Variants in EPHB2 observed in about 807,000 individuals in gnomAD.
EPHB2 encodes ephrin type-B receptor 2.
A neutral mutation model predicts 96.4 loss-of-function variants in EPHB2; 18 were observed. That is an observed-to-expected ratio of 0.19 (90% CI 0.13 to 0.28). The LOEUF is 0.28. Ranked by LOEUF, EPHB2 falls within the 10% of genes least tolerant of loss-of-function variation. The pLI is 1.00. For synonymous variants in EPHB2, 506 were observed against 534.1 expected (o/e 0.95, Z 0.72); for missense variants, 989 against 1,355.4 (o/e 0.73, Z 4.25).
At chr1:22,807,658 C>T (rs139309249) in intron 3 of EPHB2, among the ~76,000 whole-genome samples, 1 of 150,876 alleles carries the variant, frequency 6.6e-6, no homozygotes, top group African/African-American at 2.5e-5. Context: ...ACCAACAGAC[C>T]CTTACACAGT....
In EPHB2 at chr1:22,807,064, G is replaced by C. The variant is rs532716009; in HGVS notation, c.811+21988G>C. ...AGGACCCTGGGGTGGCCTGGCACATGTGGGCCATGGGTCCCACGCTTCGAG... is the reference window on the plus strand; with the variant it reads ...AGGACCCTGGGGTGGCCTGGCACATCTGGGCCATGGGTCCCACGCTTCGAG... On this transcript the variant is annotated intron_variant, in intron 3 of 15. Transcript: ENST00000374630. Among the ~76,000 whole-genome samples the C allele has an allele frequency of 3.3e-5, 5 of 152,362 alleles. No homozygotes were observed. In the East Asian group the frequency reaches 9.6e-4, roughly 29 times the overall value.
At chr1:22,738,372 C>T (rs895481243) in intron 1 of EPHB2, among the ~76,000 whole-genome samples, 1 of 152,102 alleles carries the variant, frequency 6.6e-6, no homozygotes, top group African/African-American at 2.4e-5. Context: ...ATGAGAATAA[C>T]AGTTTCTATC....
intron 3 of EPHB2, among the ~76,000 whole-genome samples, chr1:22,797,652 C>G (rs1012628463): frequency 6.6e-6 from 1 of 152,178 alleles, no homozygotes; most frequent in African/African-American, 2.4e-5. Context: ...CTGCTCCCAC[C>G]CTGCCTCCTC....
At position 22,916,136 on chromosome 1, in the gene EPHB2, T is replaced by C. The variant is rs309494; in HGVS notation, c.*2566T>C. The C allele has an allele frequency of 0.57, 87,466 of 152,164 alleles. 26,048 individuals are homozygous for C. Among genetic ancestry groups the C allele is most frequent in the African/African-American group, 0.73 (30,495 of 41,504 alleles). The allele number at this position is 152,164 out of a possible 1,614,324, so 9.4% of individuals were successfully genotyped here. A position where few individuals can be genotyped will look rare whatever the true frequency, so the allele number is the denominator to read the frequency against. On this transcript the variant is annotated 3_prime_UTR_variant, in exon 16 of 16. Coordinates refer to ENST00000374630, the MANE Select transcript of EPHB2 (RefSeq NM_017449.5). The surrounding 1 kb of genome is among the most constrained non-coding windows in gnomAD (Gnocchi z 4.2). ...TTCACTTTGTGCCCCAAAGGTGCCCTGCGCGGGTGGCAGCTGTCTCGGCAC... is the reference window on the plus strand; with the variant it reads ...TTCACTTTGTGCCCCAAAGGTGCCCCGCGCGGGTGGCAGCTGTCTCGGCAC...
At chr1:22,861,138 A>G (rs1321614068) in intron 3 of EPHB2, among the ~76,000 whole-genome samples, 2 of 152,254 alleles carry the variant, frequency 1.3e-5, no homozygotes, top group Admixed American at 6.5e-5. Flanking sequence ...TAAGCAATAT[A>G]AACTGACAAC....
At chr1:22,781,933 C>A (rs1207942586) in intron 2 of EPHB2, among the ~76,000 whole-genome samples, 1 of 152,112 alleles carries the variant, frequency 6.6e-6, no homozygotes, top group South Asian at 2.1e-4. Flanking sequence ...CTGCCCAGGG[C>A]CCTATAGATA....
At chr1:22,893,203 A>G (rs948171239) in intron 7 of EPHB2, among the ~76,000 whole-genome samples, 157 bp downstream of exon 7, 4 of 152,188 alleles carry the variant, frequency 2.6e-5, no homozygotes, top group Non-Finnish European at 4.4e-5. Context: ...ACCTTTGTGC[A>G]CAACCATATA....
At chr1:22,766,690 C>T (rs1306548397) in intron 1 of EPHB2, among the ~76,000 whole-genome samples, 3 of 152,190 alleles carry the variant, frequency 2.0e-5, no homozygotes, top group South Asian at 4.2e-4. Context: ...ACCACACACC[C>T]CATCAGAGAA....
intron 3 of EPHB2, among the ~76,000 whole-genome samples, chr1:22,844,268 A>G (rs1171864739): frequency 6.6e-6 from 1 of 152,234 alleles, no homozygotes; most frequent in Non-Finnish European, 1.5e-5. Flanking sequence ...CCACACTGTT[A>G]TTAAAACAGG....
chr1:22,876,255 G>C (rs76413168), intron 5 of EPHB2, among the ~76,000 whole-genome samples: 1 of 152,090 alleles, frequency 6.6e-6, no homozygotes, highest in Admixed American at 6.5e-5. Context: ...GTAGCTCCGG[G>C]TTGTGAGGGG....
At chr1:22,849,869 A>G (rs1557711387) in intron 3 of EPHB2, among the ~76,000 whole-genome samples, 1 of 152,198 alleles carries the variant, frequency 6.6e-6, no homozygotes, top group Admixed American at 6.5e-5. Flanking sequence ...CCCACACTGA[A>G]AAAGTTCACA....
At chr1:22,725,949 G>C (rs953342684) in intron 1 of EPHB2, among the ~76,000 whole-genome samples, 8 of 152,176 alleles carry the variant, frequency 5.3e-5, no homozygotes, top group African/African-American at 1.9e-4. Context: ...ATGCTCTGCT[G>C]CTAGGCTTCT....
chr1:22,887,170 G>A (rs1639253541), intron 6 of EPHB2, among the ~76,000 whole-genome samples: 2 of 152,104 alleles, frequency 1.3e-5, no homozygotes, highest in Non-Finnish European at 2.9e-5. Flanking sequence ...AAGCGGAGTT[G>A]ATGAAAATAT....
At chr1:22,902,900 A>G (rs552470929) in intron 9 of EPHB2, among the ~76,000 whole-genome samples, 12 of 152,358 alleles carry the variant, frequency 7.9e-5, no homozygotes, top group African/African-American at 2.9e-4. Context: ...GGCAGTCTTC[A>G]CAGAGGGGAT....
At chr1:22,731,644 C>A (rs1012596491) in intron 1 of EPHB2, among the ~76,000 whole-genome samples, 1 of 152,150 alleles carries the variant, frequency 6.6e-6, no homozygotes, top group African/African-American at 2.4e-5. Context: ...TCAAGACCAG[C>A]CTGGCCAACA....
chr1:22,768,781 C>T (rs1644340026), intron 1 of EPHB2, among the ~76,000 whole-genome samples: 1 of 50,550 alleles, frequency 2.0e-5, no homozygotes, highest in South Asian at 6.2e-4. Flanking sequence ...CTTGAAGGGG[C>T]CCTGATCATT....
At chr1:22,745,837 G>A (rs1292637865) in intron 1 of EPHB2, among the ~76,000 whole-genome samples, 2 of 152,134 alleles carry the variant, frequency 1.3e-5, no homozygotes, top group Non-Finnish European at 2.9e-5. Flanking sequence ...CCTGGCGTCT[G>A]CCCACAGATG....
intron 2 of EPHB2, among the ~76,000 whole-genome samples, chr1:22,782,011 C>G (rs1644540026): frequency 6.6e-6 from 1 of 152,078 alleles, no homozygotes; most frequent in Non-Finnish European, 1.5e-5. Flanking sequence ...TCTGGGTCCC[C>G]ATAACACAAA....
At chr1:22,873,010 G>A (rs189842870) in intron 5 of EPHB2, among the ~76,000 whole-genome samples, 9 of 152,370 alleles carry the variant, frequency 5.9e-5, no homozygotes, top group Admixed American at 5.9e-4. Flanking sequence ...CTGCAGGGAA[G>A]GCATTGCTGA....
Sources: allele counts gnomAD v4.1 joint callset (sites outside exome capture counted in the v4.1 genomes callset), GRCh38; gene constraint gnomAD v4.1.1; non-coding constraint Gnocchi (gnomAD v3.1); transcripts MANE v1.5; gene names NCBI Gene and HGNC (gene_info 2026-07-23, HGNC 2026-07-21).